Variants in ANAPC2 observed in about 807,000 individuals in gnomAD.
ANAPC2 encodes anaphase-promoting complex subunit 2.
In ANAPC2, 29 loss-of-function variants were observed where a neutral mutation model predicts 84.3. The ratio of observed to expected loss-of-function variants is 0.34; its 90% CI spans 0.26 to 0.47. The LOEUF (loss-of-function observed/expected upper bound fraction) is 0.47. Ranked by LOEUF, ANAPC2 falls within the 20% of genes least tolerant of loss-of-function variation. The pLI is 1.00. For synonymous variants in ANAPC2, 571 were observed against 479.4 expected (o/e 1.19, Z -2.50); for missense variants, 857 against 1,131.7 (o/e 0.76, Z 3.48).
chr9:137,186,429 AGGACTGCCCTGCCT>A, intron 2 of ANAPC2, 73 bp from the exon 3 acceptor site: 1 of 1,515,268 alleles, frequency 6.6e-7, no homozygotes, highest in Non-Finnish European at 8.9e-7. Context: ...GCCCCATGCC[AGGACTGCCCTGCCT>A]GTAGAGTGCA....
At position 137,180,901 on chromosome 9, in the gene ANAPC2, C is replaced by G. The variant is rs371616564; in HGVS notation, c.1497G>C (p.Ser499=). 6.2e-7 allele frequency: 1 copy of G among 1,613,432 alleles called. No homozygotes were observed. The highest frequency in any genetic ancestry group is 1.3e-5 in the African/African-American group (1 of 75,034). Residue 499 remains serine (S), a synonymous_variant, in exon 8 of 13, where the codon TCG becomes TCC. Coordinates refer to ENST00000323927, the MANE Select transcript of ANAPC2 (RefSeq NM_013366.4). ...TGCTGACCAGCAGGCTGATGATGTC[C>G]GATGAACGCCGCTTGGAGCTCGACT... The part of the protein sequence containing the change: ...PGKSSSKRRS[S]DIISLLVSIY...
At chr9:137,185,952 C>T (rs1324829123) in intron 3 of ANAPC2, among the ~76,000 whole-genome samples, 1 of 152,224 alleles carries the variant, frequency 6.6e-6, no homozygotes, top group Non-Finnish European at 1.5e-5. Flanking sequence ...GCCACACCTG[C>T]CTGAGGTAGC....
chr9:137,180,984 C>T, intron 7 of ANAPC2, 55 bp from the exon 8 acceptor site: 1 of 1,589,982 alleles, frequency 6.3e-7, no homozygotes, highest in Non-Finnish European at 8.6e-7. Context: ...AAGGACAGGG[C>T]CGCCCTCCTC....
At chr9:137,186,436 C>T in intron 2 of ANAPC2, 80 bp from the exon 3 acceptor site, 1 of 1,505,850 alleles carries the variant, frequency 6.6e-7, no homozygotes, top group Non-Finnish European at 8.9e-7. Context: ...GCCAGGACTG[C>T]CCTGCCTGTA....
In ANAPC2 at chr9:137,188,528, G is replaced by A. The variant is rs533337955; in HGVS notation, c.5C>T (p.Ala2Val). Residue 2 changes from alanine to valine, a missense_variant, in exon 1 of 13, where the codon GCG becomes GTG. Physicochemically the swap from Ala to Val is moderately conservative, Grantham distance 64. Around this residue, in one of 3 missense-constraint regions of ANAPC2, gnomAD observed 428 missense variants for 513.8 expected, o/e 0.83. Coordinates refer to ENST00000323927, the MANE Select transcript of ANAPC2 (RefSeq NM_013366.4). M[A>V]AAVVVAEGDS... is the part of the protein sequence containing the mutation. Reference sequence around the variant, plus strand: ...CCCCTCCGCCACCACAACTGCCGCCGCCATCTGCACCCACCGACTCCGAGA... The same window carrying A: ...CCCCTCCGCCACCACAACTGCCGCCACCATCTGCACCCACCGACTCCGAGA... 3 of 1,607,392 alleles carry A rather than the reference G, an allele frequency of 1.9e-6. No individual in the cohort carries two copies. The highest frequency in any genetic ancestry group is 1.1e-5 in the South Asian group (1 of 90,826).
At chr9:137,186,009 C>T (rs1022323918) in intron 3 of ANAPC2, among the ~76,000 whole-genome samples, 7 of 152,198 alleles carry the variant, frequency 4.6e-5, no homozygotes, top group Non-Finnish European at 7.4e-5. Flanking sequence ...TGGGATTCTG[C>T]GCAGATCCGA....
rs763283049 is a variant in ANAPC2, at chr9:137,175,293, C to T, written c.2200G>A (p.Asp734Asn). Reference sequence around the variant, plus strand: ...GAGGCCATGCCGGAGTCGCTCTCGTCGTCACTGTCAATGAGCACCATGTTG... The same window carrying T: ...GAGGCCATGCCGGAGTCGCTCTCGTTGTCACTGTCAATGAGCACCATGTTG... ...RDNMVLIDSD[D>N]ESDSGMASQA... The change falls in exon 12 of 13, where the codon GAC becomes AAC. Residue 734 changes from aspartate (D) to asparagine (N), a missense_variant. Physicochemically the swap from Asp to Asn is conservative, Grantham distance 23. Around this residue, in one of 3 missense-constraint regions of ANAPC2, gnomAD observed 425 missense variants for 595.5 expected, o/e 0.71. Coordinates refer to ENST00000323927, the MANE Select transcript of ANAPC2 (RefSeq NM_013366.4). 33 of 1,612,578 alleles carry T rather than the reference C, an allele frequency of 2.0e-5. No individual in the cohort carries two copies. The highest frequency in any genetic ancestry group is 2.3e-5 in the Non-Finnish European group (27 of 1,179,868).
At chr9:137,176,538 GAGAGGCTGGAAGAACTGGTGA>G (rs1834218236) in intron 10 of ANAPC2, 2 of 152,310 alleles carry the variant, frequency 1.3e-5, no homozygotes, top group Non-Finnish European at 2.9e-5. Flanking sequence ...GGGTGATGGG[GAGAGGCTGGAAGAACTGGTGA>G]GGCCTGCACG....
intron 4 of ANAPC2, among the ~76,000 whole-genome samples, chr9:137,184,342 C>A (rs542273704): frequency 2.7e-5 from 4 of 148,848 alleles, no homozygotes; most frequent in Admixed American, 2.7e-4. Context: ...ACGACGAAGG[C>A]CCTGGGAGCC....
Position 137,175,369 on chromosome 9 carries a change from C to G in ANAPC2, c.2124G>C (p.Glu708Asp). 6.2e-7 allele frequency: 1 copy of G among 1,611,438 alleles called. No individual in the cohort carries two copies. ...VWLQQGVLREEPPGTFSVIEE... is the reference protein window; with the variant it reads ...VWLQQGVLREDPPGTFSVIEE... ...CAATGACAGAGAAGGTGCCGGGGGG[C>G]TCCTCACGCAGCACACCCTGCTGCA... Residue 708 changes from glutamate (E) to aspartate (D), a missense_variant, in exon 12 of 13, where the codon GAG (glutamate) becomes GAC (aspartate). By Grantham distance (45) the Glu-to-Asp change is conservative (BLOSUM62 2). This residue lies in a region of ANAPC2 where 425 missense variants were observed against 595.5 expected (regional missense o/e 0.71). Coordinates refer to ENST00000323927, the MANE Select transcript of ANAPC2 (RefSeq NM_013366.4).
At position 137,180,221 on chromosome 9, in the gene ANAPC2, G is replaced by A. The variant is rs749806668; in HGVS notation, c.1850C>T (p.Ala617Val). The A allele has an allele frequency of 6.2e-7, 1 of 1,613,826 alleles. No individual in the cohort carries two copies. Residue 617 changes from alanine (A) to valine (V), a missense_variant, in exon 10 of 13, where the codon GCA becomes GTA. Ala to Val is a moderately conservative substitution (Grantham distance 64, BLOSUM62 0). Around this residue, in one of 3 missense-constraint regions of ANAPC2, gnomAD observed 425 missense variants for 595.5 expected, o/e 0.71. Coordinates refer to ENST00000323927, the MANE Select transcript of ANAPC2 (RefSeq NM_013366.4). ...EKLEVPEDIR[A>V]ALEAYCKKYE... ...CTTCTTGCAGTAAGCCTCCAGGGCT[G>A]CCCTGATATCCTCGGGGACCTCCAG...
In ANAPC2 at chr9:137,175,842, G is replaced by A. The variant is rs758120018; in HGVS notation, c.1891-5C>T. 2 of 1,601,156 alleles carry A rather than the reference G, an allele frequency of 1.2e-6. No individual in the cohort carries two copies. Among genetic ancestry groups the A allele is most frequent in the Non-Finnish European group, 1.7e-6 (2 of 1,173,950 alleles). ...CCAACTGAGGGTCCGCATGGCCTAA[G>A]GAGGGCCAGGGTCAGCACGGGCAGC... On this transcript the variant is annotated splice_region_variant and splice_polypyrimidine_tract_variant and intron_variant, in intron 10 of 12. Coordinates refer to ENST00000323927, the MANE Select transcript of ANAPC2 (RefSeq NM_013366.4).
In ANAPC2 at chr9:137,183,782, T is replaced by C; in HGVS notation, c.1058A>G (p.Asp353Gly). 1 of 1,612,752 alleles carries C rather than the reference T, an allele frequency of 6.2e-7. No individual in the cohort carries two copies. The change falls in exon 5 of 13, where the codon GAC becomes GGC. Residue 353 changes from aspartate (D) to glycine (G), a missense_variant. This residue lies in a region of ANAPC2 where 428 missense variants were observed against 513.8 expected (regional missense o/e 0.83). Coordinates refer to ENST00000323927, the MANE Select transcript of ANAPC2 (RefSeq NM_013366.4). ...GAGGTCCTCGATGGCTGGCCGGGAG[T>C]CTGGGAAGTCTACAAGAAGAAGAAC... ...ELFSIVRDFP[D>G]SRPAIEDLKY... is the part of the protein sequence containing the mutation.
intron 4 of ANAPC2, among the ~76,000 whole-genome samples, chr9:137,184,658 G>A (rs1221971005): frequency 2.2e-4 from 22 of 100,008 alleles, no homozygotes; most frequent in Non-Finnish European, 5.1e-4. Flanking sequence ...GAGCCCAGAC[G>A]CAGACACAGG....
At chr9:137,181,549 C>T (rs1834343408) in intron 7 of ANAPC2, 132 bp downstream of exon 7, 2 of 1,037,020 alleles carry the variant, frequency 1.9e-6, no homozygotes, top group Non-Finnish European at 1.3e-6. Context: ...TGACCTTTGA[C>T]ACCCTCAAGC....
rs1834512758 is a variant in ANAPC2, at chr9:137,187,862, C to G, written c.359G>C (p.Ser120Thr). 3.7e-6 allele frequency: 6 copies of G among 1,613,542 alleles called. No individual in the cohort carries two copies. The highest frequency in any genetic ancestry group is 1.3e-5 in the African/African-American group (1 of 74,946). ...GCTACGCAGGTAGGGATCCAGGCGG[C>G]TCTCCAGCAGGCCAAAAGCGTCAAG... Reference protein sequence around the residue: ...LLLDAFGLLESRLDPYLRSLE... With the variant: ...LLLDAFGLLETRLDPYLRSLE... The change falls in exon 2 of 13, where the codon AGC becomes ACC. Residue 120 changes from serine to threonine, a missense_variant. Transcript: ENST00000323927.
chr9:137,175,916 G>A, intron 10 of ANAPC2, 79 bp from the exon 11 acceptor site: 1 of 1,489,436 alleles, frequency 6.7e-7, no homozygotes, highest in Admixed American at 2.3e-5. Flanking sequence ...TGGTACCAGT[G>A]AGAAAGGGGC....
intron 3 of ANAPC2, among the ~76,000 whole-genome samples, chr9:137,185,672 G>A (rs987466239): frequency 1.2e-4 from 18 of 152,202 alleles, no homozygotes; most frequent in African/African-American, 3.9e-4. Context: ...ACTGAGGAAA[G>A]GACAGGTGAC....
At chr9:137,188,348 A>G (rs1305720047) in intron 1 of ANAPC2, 68 bp downstream of exon 1, 1 of 1,508,024 alleles carries the variant, frequency 6.6e-7, no homozygotes, top group Non-Finnish European at 9.0e-7. Context: ...ACCCGAGGGT[A>G]GCGGCCCCAA....
Sources: allele counts gnomAD v4.1 joint callset (sites outside exome capture counted in the v4.1 genomes callset), GRCh38; gene constraint gnomAD v4.1.1; regional missense constraint gnomAD v4.1.1; transcripts MANE v1.5; gene names NCBI Gene and HGNC (gene_info 2026-07-23, HGNC 2026-07-21).